Variants in LDAH observed in about 807,000 individuals in gnomAD.
The protein encoded by LDAH is lipid droplet-associated hydrolase.
LDAH carries 26 observed loss-of-function variants against 29.6 expected under a neutral mutation model. The observed-to-expected ratio is 0.88, with a 90% CI of 0.64 to 1.22. The LOEUF (loss-of-function observed/expected upper bound fraction) is 1.22, where lower values mean the gene tolerates loss of function less well. LDAH is among the 50% of genes most tolerant of loss of function. LDAH has a pLI of 0.00. For missense variants in LDAH, 344 were observed against 387.3 expected (o/e 0.89, Z 0.94); for synonymous variants, 117 against 133.0 (o/e 0.88, Z 0.83).
intron 1 of LDAH, among the ~76,000 whole-genome samples, chr2:20,802,630 G>A (rs1039803319): frequency 3.3e-5 from 5 of 152,078 alleles, no homozygotes; most frequent in African/African-American, 1.2e-4. Context: ...AAGATTCAAA[G>A]GGCCCTTCTA....
At chr2:20,702,241 T>C (rs1030787756) in intron 5 of LDAH, among the ~76,000 whole-genome samples, 1 of 152,234 alleles carries the variant, frequency 6.6e-6, no homozygotes, top group Non-Finnish European at 1.5e-5. Context: ...AACATGAGTT[T>C]ATGTGGCTTT....
At chr2:20,727,683 G>A (rs2149412183) in intron 5 of LDAH, among the ~76,000 whole-genome samples, 1 of 152,106 alleles carries the variant, frequency 6.6e-6, no homozygotes, top group Non-Finnish European at 1.5e-5. Context: ...TTTTAGCTTT[G>A]ATCAGAAAAT....
Position 20,808,597 on chromosome 2 carries a change from G to A in LDAH, c.-2-7132C>T, listed in dbSNP as rs1368633126. On this transcript the variant is annotated intron_variant, in intron 1 of 6. Coordinates refer to ENST00000237822, the MANE Select transcript of LDAH (RefSeq NM_021925.4). ...GAGAATCGCTTGGGAGGCGGAGCTTGCAGTGAGCAGAGATCATGCCACTGC... is the reference window on the plus strand; with the variant it reads ...GAGAATCGCTTGGGAGGCGGAGCTTACAGTGAGCAGAGATCATGCCACTGC... Among the ~76,000 whole-genome samples the A allele has an allele frequency of 2.6e-5, 4 of 151,200 alleles. No homozygotes were observed. The East Asian group carries it at 7.8e-4, about 30-fold the overall frequency.
intron 5 of LDAH, among the ~76,000 whole-genome samples, chr2:20,714,240 C>T (rs540729539): frequency 1.1e-4 from 17 of 152,296 alleles, no homozygotes; most frequent in African/African-American, 4.1e-4. Context: ...GTCAAAATCA[C>T]ACAACTACAT....
chr2:20,726,051 T>A (rs746617098), intron 5 of LDAH, among the ~76,000 whole-genome samples: 7 of 152,206 alleles, frequency 4.6e-5, no homozygotes, highest in African/African-American at 1.4e-4. Flanking sequence ...TAATTTGGTT[T>A]TCTGTTATCT....
chr2:20,787,951 T>C (rs1232529368), intron 3 of LDAH, among the ~76,000 whole-genome samples: 1 of 152,152 alleles, frequency 6.6e-6, no homozygotes, highest in Non-Finnish European at 1.5e-5. Flanking sequence ...CATTGAAAAA[T>C]CTCATCTCTT....
chr2:20,779,969 T>C (rs941765976), intron 3 of LDAH, among the ~76,000 whole-genome samples: 3 of 152,162 alleles, frequency 2.0e-5, no homozygotes, highest in African/African-American at 7.2e-5. Flanking sequence ...TGGTCCCTAA[T>C]TCTGTAGGCT....
At chr2:20,738,563 A>G (rs1453960952) in intron 5 of LDAH, among the ~76,000 whole-genome samples, 1 of 151,996 alleles carries the variant, frequency 6.6e-6, no homozygotes, top group Non-Finnish European at 1.5e-5. Context: ...CTGGATCGGG[A>G]CCCCTTTCCT....
intron 1 of LDAH, among the ~76,000 whole-genome samples, chr2:20,821,600 A>C (rs1316030858): frequency 6.6e-6 from 1 of 152,074 alleles, no homozygotes; most frequent in Admixed American, 6.5e-5. Flanking sequence ...GGGAGATCAC[A>C]CACCGGGGCC....
At chr2:20,731,271 TC>T in intron 5 of LDAH, among the ~76,000 whole-genome samples, 1 of 152,142 alleles carries the variant, frequency 6.6e-6, no homozygotes, top group Non-Finnish European at 1.5e-5. Context: ...CTTAACACCA[TC>T]CCCCTTGGTG....
chr2:20,715,858 C>A (rs1441865524), intron 5 of LDAH, among the ~76,000 whole-genome samples: 3 of 151,194 alleles, frequency 2.0e-5, no homozygotes, highest in Admixed American at 2.0e-4. Context: ...GAACTACGAA[C>A]CACTGCTCAA....
At chr2:20,717,583 A>T (rs767428826) in intron 5 of LDAH, among the ~76,000 whole-genome samples, 5 of 152,230 alleles carry the variant, frequency 3.3e-5, no homozygotes, top group Admixed American at 1.3e-4. Flanking sequence ...GACTACCACA[A>T]GAACAGGTCA....
intron 5 of LDAH, 65 bp downstream of exon 5, chr2:20,739,906 G>C: frequency 8.0e-7 from 1 of 1,256,978 alleles, no homozygotes; most frequent in Non-Finnish European, 1.1e-6. Flanking sequence ...TCCACTGTCA[G>C]AGAGTATTGT....
intron 5 of LDAH, among the ~76,000 whole-genome samples, chr2:20,708,432 G>A (rs1664466914): frequency 6.6e-6 from 1 of 152,110 alleles, no homozygotes; most frequent in Admixed American, 6.5e-5. Flanking sequence ...ATTTATAGAA[G>A]TACAAAAATA....
At chr2:20,776,037 T>C (rs527809927) in intron 3 of LDAH, among the ~76,000 whole-genome samples, 122 of 152,272 alleles carry the variant, frequency 8.0e-4, no homozygotes, top group African/African-American at 2.9e-3. Context: ...AACATATATA[T>C]AACCCAATGA....
At chr2:20,778,340 T>A (rs1669955942) in intron 3 of LDAH, among the ~76,000 whole-genome samples, 1 of 152,210 alleles carries the variant, frequency 6.6e-6, no homozygotes, top group African/African-American at 2.4e-5. Flanking sequence ...ACACAACTTG[T>A]TCTGAAATAG....
chr2:20,738,524 C>G (rs935069748), intron 5 of LDAH, among the ~76,000 whole-genome samples: 1 of 151,956 alleles, frequency 6.6e-6, no homozygotes, highest in East Asian at 1.9e-4. Flanking sequence ...TTCTTTCTTG[C>G]GCGAGATCCA....
intron 4 of LDAH, among the ~76,000 whole-genome samples, chr2:20,753,850 A>T (rs182210477): frequency 6.6e-6 from 1 of 152,230 alleles, no homozygotes; most frequent in African/African-American, 2.4e-5. Flanking sequence ...AGCCCGACTT[A>T]AGTGGCTCCC....
chr2:20,769,770 GAT>G (rs1435588389), intron 4 of LDAH, among the ~76,000 whole-genome samples: 1 of 152,110 alleles, frequency 6.6e-6, no homozygotes, highest in African/African-American at 2.4e-5. Flanking sequence ...AAGGCTGAGT[GAT>G]AACAATGTCC....
Sources: allele counts gnomAD v4.1 joint callset (sites outside exome capture counted in the v4.1 genomes callset), GRCh38; gene constraint gnomAD v4.1.1; transcripts MANE v1.5; gene names NCBI Gene and HGNC (gene_info 2026-07-23, HGNC 2026-07-21).